PHC3: variants seen among roughly 807,000 people sequenced by gnomAD.
PHC3 encodes polyhomeotic-like protein 3.
Under a neutral mutation model 107.4 loss-of-function variants are expected in PHC3, and 13 were observed. That is an observed-to-expected ratio of 0.12 (90% CI 0.08 to 0.19). PHC3 has a LOEUF of 0.19. Ranked by LOEUF, PHC3 falls within the 10% of genes least tolerant of loss-of-function variation. PHC3 has a pLI of 1.00. For missense variants in PHC3, 992 were observed against 1,210.9 expected (o/e 0.82, Z 2.68); for synonymous variants, 456 against 427.4 (o/e 1.07, Z -0.83).
At chr3:170,106,969 A>G (rs1316313390) in intron 11 of PHC3, 23 bp from the exon 12 acceptor site, 10 of 1,524,448 alleles carry the variant, frequency 6.6e-6, no homozygotes, top group Non-Finnish European at 8.9e-6. Flanking sequence ...GAAACAAAGG[A>G]AAAAAAGGTT....
intron 2 of PHC3, among the ~76,000 whole-genome samples, chr3:170,173,200 A>C (rs1729902248): frequency 6.6e-6 from 1 of 151,968 alleles, no homozygotes; most frequent in Non-Finnish European, 1.5e-5. Context: ...TCTCAAAAAA[A>C]AAAAAACAAA....
intron 1 of PHC3, among the ~76,000 whole-genome samples, chr3:170,179,670 T>C (rs1731071527): frequency 6.6e-6 from 1 of 152,228 alleles, no homozygotes. Context: ...CTTCCTCATG[T>C]ATGGACAGTA....
intron 4 of PHC3, among the ~76,000 whole-genome samples, chr3:170,166,249 G>A (rs1043363669): frequency 6.6e-6 from 1 of 151,952 alleles, no homozygotes; most frequent in Non-Finnish European, 1.5e-5. Flanking sequence ...TCACCATGTT[G>A]GCCAGGCTGG....
chr3:170,132,685 A>C (rs538178544), intron 7 of PHC3, among the ~76,000 whole-genome samples: 1 of 152,240 alleles, frequency 6.6e-6, no homozygotes, highest in Non-Finnish European at 1.5e-5. Flanking sequence ...AGCCTCCAGG[A>C]CTGTGAGAAA....
chr3:170,110,718 T>C (rs765538073), intron 11 of PHC3, among the ~76,000 whole-genome samples: 4 of 152,184 alleles, frequency 2.6e-5, no homozygotes, highest in Non-Finnish European at 4.4e-5. Context: ...AATATATACA[T>C]ACATAACCTG....
At chr3:170,161,139 T>C (rs544022028) in intron 4 of PHC3, among the ~76,000 whole-genome samples, 1 of 152,356 alleles carries the variant, frequency 6.6e-6, no homozygotes, top group South Asian at 2.1e-4. Context: ...ATACAAACTA[T>C]TTAAGAAACT....
intron 9 of PHC3, among the ~76,000 whole-genome samples, chr3:170,122,154 C>T (rs1056584798): frequency 6.6e-6 from 1 of 152,092 alleles, no homozygotes; most frequent in African/African-American, 2.4e-5. Context: ...GAAGCTGGGG[C>T]AAAAGAATCT....
chr3:170,125,703 G>C (rs1721135570), intron 8 of PHC3, among the ~76,000 whole-genome samples: 1 of 152,100 alleles, frequency 6.6e-6, no homozygotes, highest in Non-Finnish European at 1.5e-5. Flanking sequence ...TATACTTAAA[G>C]CTAACTATAT....
chr3:170,162,016 A>T (rs933857318), intron 4 of PHC3, among the ~76,000 whole-genome samples: 6 of 152,246 alleles, frequency 3.9e-5, no homozygotes, highest in African/African-American at 1.4e-4. Flanking sequence ...AGATCCAAGG[A>T]TATCTGGATG....
chr3:170,113,581 G>T, intron 10 of PHC3, 62 bp from the exon 11 acceptor site: 3 of 1,475,848 alleles, frequency 2.0e-6, no homozygotes, highest in Non-Finnish European at 1.8e-6. Context: ...GAAATACTTT[G>T]GTTTAAAAAA....
intron 4 of PHC3, among the ~76,000 whole-genome samples, chr3:170,160,576 C>T (rs1279403828): frequency 1.3e-5 from 2 of 152,128 alleles, no homozygotes; most frequent in Non-Finnish European, 2.9e-5. Flanking sequence ...AGAATATATC[C>T]TAAAATAATT....
At chr3:170,126,524 A>AT (rs1411349700) in intron 8 of PHC3, among the ~76,000 whole-genome samples, 20 of 80,008 alleles carry the variant, frequency 2.5e-4, no homozygotes, top group East Asian at 8.4e-4. Flanking sequence ...ATATATATAT[A>AT]TATATTTTTT....
In PHC3 at chr3:170,129,514, G is replaced by C; in HGVS notation, c.958C>G (p.His320Asp). ...GGTGAATGAAGAGGAATCTGCTGAT[G>C]TTTTATTAGAGAATGAGGCTGAATT... ...SPIQPHSLIK[H>D]QQIPLHSPPS... Residue 320 changes from histidine (H) to aspartate (D), a missense_variant, in exon 8 of 15, where the codon CAT (histidine) becomes GAT (aspartate). By Grantham distance (81) the His-to-Asp change is moderately conservative (BLOSUM62 -1). Coordinates refer to ENST00000495893, the MANE Select transcript of PHC3 (RefSeq NM_024947.4). 5 of 1,613,656 alleles carry C rather than the reference G, an allele frequency of 3.1e-6. No homozygotes were observed. Among genetic ancestry groups the C allele is most frequent in the Non-Finnish European group, 4.2e-6 (5 of 1,179,680 alleles).
intron 5 of PHC3, among the ~76,000 whole-genome samples, chr3:170,146,411 A>G (rs1724955624): frequency 6.6e-6 from 1 of 151,734 alleles, no homozygotes; most frequent in South Asian, 2.1e-4. Context: ...GATTCATTCT[A>G]AAAGTAAATG....
chr3:170,088,631 T>C lies in PHC3; in HGVS notation c.*8599A>G, dbSNP rs1576925826. On this transcript the variant is annotated 3_prime_UTR_variant, in exon 15 of 15. Transcript: ENST00000495893. ...CAGTTGACTTTTTAAAATTTAAGAA[T>C]ACATATACAAAAAGTACTTATGGAA... 6.6e-6 allele frequency: 1 copy of C among 152,164 alleles called. No individual in the cohort carries two copies. Among genetic ancestry groups the C allele is most frequent in the Admixed American group, 6.5e-5 (1 of 15,278 alleles). The allele number at this position is 152,164 out of a possible 1,614,324, so 9.4% of individuals were successfully genotyped here.
At chr3:170,162,987 CCTT>C (rs769029592) in intron 4 of PHC3, among the ~76,000 whole-genome samples, 1,428 of 88,716 alleles carry the variant, frequency 0.016, 16 homozygotes, top group Middle Eastern at 0.081. Context: ...TTATTTTTCT[CCTT>C]TTTTATTTCC....
In PHC3 at chr3:170,095,421, A is replaced by T. The variant is rs1714526667; in HGVS notation, c.*1809T>A. The stretch of plus-strand genomic sequence containing the variant: ...TCCACAAAGCATACATTCAAACAAG[A>T]GGCATCTAAAGATTAAAAAAATTAC... On this transcript the variant is annotated 3_prime_UTR_variant, in exon 15 of 15. Coordinates refer to ENST00000495893, the MANE Select transcript of PHC3 (RefSeq NM_024947.4). 6.6e-6 allele frequency: 1 copy of T among 152,140 alleles called. No homozygotes were observed. The highest frequency in any genetic ancestry group is 6.6e-5 in the Admixed American group (1 of 15,256). The allele number at this position is 152,140 out of a possible 1,614,324, so 9.4% of individuals were successfully genotyped here.
intron 1 of PHC3, among the ~76,000 whole-genome samples, chr3:170,179,597 A>G (rs1731061906): frequency 6.6e-6 from 1 of 152,220 alleles, no homozygotes; most frequent in Non-Finnish European, 1.5e-5. Flanking sequence ...GCAACTTCCC[A>G]TACCCTTACA....
rs1177412596 is a variant in PHC3 at position 170,090,316 on chromosome 3, G to C, written c.*6914C>G. ...CAGTATATTAAGTAGTAATGATTATGTTCATATTTATTTAAGCCACAATGA... is the reference window on the plus strand; with the variant it reads ...CAGTATATTAAGTAGTAATGATTATCTTCATATTTATTTAAGCCACAATGA... On this transcript the variant is annotated 3_prime_UTR_variant, in exon 15 of 15. Transcript: ENST00000495893. 6.6e-6 allele frequency: 1 copy of C among 152,020 alleles called. No individual in the cohort carries two copies. The highest frequency in any genetic ancestry group is 1.5e-5 in the Non-Finnish European group (1 of 67,990). 9.4% of individuals were successfully genotyped at this position (152,020 alleles called of 1,614,324 possible).
Sources: allele counts gnomAD v4.1 joint callset (sites outside exome capture counted in the v4.1 genomes callset), GRCh38; gene constraint gnomAD v4.1.1; transcripts MANE v1.5; gene names NCBI Gene and HGNC (gene_info 2026-07-23, HGNC 2026-07-21).